NAALADL2: variants seen among roughly 807,000 people sequenced by gnomAD.
NAALADL2 encodes the protein N-acetylated alpha-linked acidic dipeptidase like 2, also known as inactive N-acetylated-alpha-linked acidic dipeptidase-like protein 2.
NAALADL2 carries 76 observed loss-of-function variants against 87.2 expected under a neutral mutation model. The observed-to-expected ratio is 0.87, with a 90% CI of 0.72 to 1.05. The LOEUF (loss-of-function observed/expected upper bound fraction) is 1.05. NAALADL2 is among the 50% of genes least tolerant of loss of function. The pLI, the probability that NAALADL2 is intolerant of heterozygous loss-of-function variation, is 0.00. For missense variants in NAALADL2, 1,089 were observed against 945.8 expected (o/e 1.15, Z -1.99); for synonymous variants, 354 against 331.0 (o/e 1.07, Z -0.75).
intron 11 of NAALADL2, 101 bp from the exon 12 acceptor site, chr3:175,737,205 C>T (rs1241997998): frequency 1.2e-5 from 8 of 669,172 alleles, no homozygotes; most frequent in Non-Finnish European, 2.1e-5. Context: ...TGTGTTTTTG[C>T]TGCTCTAGAT....
intron 2 of NAALADL2, among the ~76,000 whole-genome samples, chr3:174,633,453 G>A (rs1282592729): frequency 1.3e-5 from 2 of 152,144 alleles, no homozygotes; most frequent in Non-Finnish European, 2.9e-5. Flanking sequence ...ATTTCATGGA[G>A]CATCCAGAAT....
chr3:175,326,533 C>T (rs1760724208), intron 5 of NAALADL2, among the ~76,000 whole-genome samples: 1 of 152,208 alleles, frequency 6.6e-6, no homozygotes, highest in South Asian at 2.1e-4. Context: ...AAGAACCGCA[C>T]TTCTGGTTTC....
intron 2 of NAALADL2, among the ~76,000 whole-genome samples, chr3:174,660,560 C>CA (rs1725409274): frequency 6.6e-6 from 1 of 152,068 alleles, no homozygotes; most frequent in Admixed American, 6.6e-5. Flanking sequence ...CATATAATAA[C>CA]AATATGCTGC....
intron 11 of NAALADL2, among the ~76,000 whole-genome samples, chr3:175,732,375 G>T (rs539175373): frequency 4.6e-5 from 7 of 152,222 alleles, no homozygotes; most frequent in African/African-American, 1.7e-4. Flanking sequence ...TTCTTCTCAT[G>T]AATAGTAAAT....
Position 175,640,041 on chromosome 3 carries a change from G to T in NAALADL2, c.1896+12655G>T, listed in dbSNP as rs563946484. On this transcript the variant is annotated intron_variant, in intron 11 of 13. Transcript: ENST00000454872. ...TAGAAAGCAGAGATGCTTCAGAATA[G>T]AAAATTTAAAAACGTGATTTGTATG... 4.6e-5 allele frequency among the ~76,000 whole-genome samples: 7 copies of T among 152,256 alleles called. No homozygotes were observed. The South Asian group carries it at 1.5e-3, about 32-fold the overall frequency.
chr3:175,691,766 G>A (rs1412635844), intron 11 of NAALADL2, among the ~76,000 whole-genome samples: 1 of 152,072 alleles, frequency 6.6e-6, no homozygotes, highest in East Asian at 1.9e-4. Context: ...CATTCATGAA[G>A]TACAGTGGTT....
At chr3:174,723,438 T>G (rs368013132) in intron 2 of NAALADL2, among the ~76,000 whole-genome samples, 1 of 151,972 alleles carries the variant, frequency 6.6e-6, no homozygotes, top group East Asian at 1.9e-4. Flanking sequence ...TCCAACAAAT[T>G]AGAAAATATT....
At chr3:175,663,575 G>A (rs1732564539) in intron 11 of NAALADL2, among the ~76,000 whole-genome samples, 1 of 150,850 alleles carries the variant, frequency 6.6e-6, no homozygotes, top group Non-Finnish European at 1.5e-5. Context: ...GATCTTTATT[G>A]TTTATTTATT....
chr3:175,449,338 A>G (rs1391981547), intron 6 of NAALADL2, among the ~76,000 whole-genome samples: 1 of 151,790 alleles, frequency 6.6e-6, no homozygotes, highest in Non-Finnish European at 1.5e-5. Flanking sequence ...CTTGTCTCCT[A>G]AAGTGCTGGG....
At chr3:175,436,039 C>T (rs987839395) in intron 5 of NAALADL2, among the ~76,000 whole-genome samples, 1 of 133,542 alleles carries the variant, frequency 7.5e-6, no homozygotes, top group East Asian at 2.4e-4. Context: ...TGTGATATTC[C>T]CCTTCCTGTG....
At chr3:174,752,638 C>G (rs1013127661) in intron 3 of NAALADL2, among the ~76,000 whole-genome samples, 13 of 150,674 alleles carry the variant, frequency 8.6e-5, no homozygotes, top group Non-Finnish European at 1.2e-4. Flanking sequence ...AACTCCTTTT[C>G]TTTTTTATCA....
At chr3:175,263,268 TG>T (rs1270741577) in intron 4 of NAALADL2, among the ~76,000 whole-genome samples, 2 of 151,940 alleles carry the variant, frequency 1.3e-5, no homozygotes, top group Non-Finnish European at 2.9e-5. Context: ...ACTTCAAACA[TG>T]GGTTATAATA....
At chr3:175,730,030 G>A (rs767807789) in intron 11 of NAALADL2, among the ~76,000 whole-genome samples, 18 of 151,878 alleles carry the variant, frequency 1.2e-4, no homozygotes, top group Non-Finnish European at 2.6e-4. Flanking sequence ...CCATGCTTGT[G>A]GCTAAAGAGA....
At chr3:175,181,703 ATGTGTGTGTG>A (rs1553802433) in intron 2 of NAALADL2, among the ~76,000 whole-genome samples, 6 of 106,834 alleles carry the variant, frequency 5.6e-5, no homozygotes, top group East Asian at 2.6e-4. Flanking sequence ...ATATATATAT[ATGTGTGTGTG>A]TGTGTATATA....
chr3:175,220,341 G>GT lies in NAALADL2; in HGVS notation c.546-13581dup, dbSNP rs917359449. ...TCTAGAGGATAACTGGGTTTGGAAA[G>GT]TTTTTTTTTCTGGGAAGGATATAAT... On this transcript the variant is annotated intron_variant, in intron 2 of 13. Transcript: ENST00000454872. 9.6e-4 allele frequency among the ~76,000 whole-genome samples: 145 copies of GT among 150,606 alleles called. 1 individual carries two copies. The highest frequency in any genetic ancestry group is 1.6e-3 in the Non-Finnish European group (105 of 67,558).
intron 1 of NAALADL2, among the ~76,000 whole-genome samples, chr3:174,951,400 T>C (rs912543634): frequency 6.6e-6 from 1 of 152,060 alleles, no homozygotes; most frequent in Non-Finnish European, 1.5e-5. Flanking sequence ...TGCTGACAGA[T>C]ACGACTCAAC....
intron 1 of NAALADL2, among the ~76,000 whole-genome samples, chr3:174,968,533 G>A (rs1055148693): frequency 2.0e-5 from 3 of 152,068 alleles, no homozygotes; most frequent in East Asian, 1.9e-4. Context: ...AGGCTGCAGT[G>A]TAGTGACATG....
intron 11 of NAALADL2, among the ~76,000 whole-genome samples, chr3:175,667,400 A>G (rs1490065315): frequency 6.6e-6 from 1 of 152,198 alleles, no homozygotes; most frequent in Non-Finnish European, 1.5e-5. Flanking sequence ...TGTCACGTTT[A>G]AAATCTTAAT....
chr3:175,174,416 A>C (rs1735368536), intron 2 of NAALADL2, among the ~76,000 whole-genome samples: 2 of 152,176 alleles, frequency 1.3e-5, no homozygotes, highest in Non-Finnish European at 2.9e-5. Context: ...ATCTTATTTG[A>C]AAAGCAATAT....
Sources: gnomAD v4.1 joint callset for allele counts (sites outside exome capture counted in the v4.1 genomes callset) on GRCh38, gnomAD v4.1.1 for gene constraint, MANE v1.5 for transcripts, NCBI Gene and HGNC (gene_info 2026-07-23, HGNC 2026-07-21) for gene names.